Variants in L3MBTL4 observed in about 807,000 individuals in gnomAD.
L3MBTL4 encodes lethal(3)malignant brain tumor-like protein 4.
Under a neutral mutation model 84.5 loss-of-function variants are expected in L3MBTL4, and 70 were observed. The observed-to-expected ratio is 0.83, with a 90% confidence interval of 0.68 to 1.01. The LOEUF (loss-of-function observed/expected upper bound fraction) is 1.01. Among genes scored for constraint, L3MBTL4 ranks in the 50% least tolerant of loss-of-function variants. L3MBTL4 has a pLI of 0.00. For synonymous variants in L3MBTL4, 274 were observed against 259.8 expected (o/e 1.05, Z -0.52); for missense variants, 715 against 754.8 (o/e 0.95, Z 0.62).
chr18:6,410,020 C>A lies in L3MBTL4; in HGVS notation c.-91+4781G>T, dbSNP rs552707344. Among the ~76,000 whole-genome samples the A allele has an allele frequency of 1.5e-4, 23 of 152,244 alleles. No individual in the cohort carries two copies. The South Asian group carries it at 4.6e-3, about 30-fold the overall frequency. On this transcript the variant is annotated intron_variant, in intron 1 of 18. Transcript: ENST00000317931. ...CTTCTACCCACTTCCATGCCCCGCT[C>A]CCCGGCCCAAGGTCACCTCCCTGAC...
In L3MBTL4 at chr18:6,130,288, G is replaced by T. The variant is rs1482399508; in HGVS notation, c.1199+7906C>A. 2.0e-5 allele frequency among the ~76,000 whole-genome samples: 3 copies of T among 150,880 alleles called. No homozygotes were observed. The Admixed American group carries it at 2.0e-4, about 10-fold the overall frequency. ...CACACACACATTCACTCACAAAGGG[G>T]AACAGACGTGAAAAGAAGAAAACAT... On this transcript the variant is annotated intron_variant, in intron 14 of 18. Transcript: ENST00000317931.
At chr18:6,014,727 A>C (rs1295387599) in intron 16 of L3MBTL4, among the ~76,000 whole-genome samples, 1 of 152,126 alleles carries the variant, frequency 6.6e-6, no homozygotes, top group Non-Finnish European at 1.5e-5. Flanking sequence ...TAGAGGACAA[A>C]GGGTTTTGTT....
chr18:6,026,006 G>T (rs1213020265), intron 16 of L3MBTL4, among the ~76,000 whole-genome samples: 1 of 152,204 alleles, frequency 6.6e-6, no homozygotes, highest in Non-Finnish European at 1.5e-5. Flanking sequence ...GGTAAAAAAT[G>T]TTGGTCATAC....
intron 12 of L3MBTL4, among the ~76,000 whole-genome samples, chr18:6,181,666 C>G (rs1185440153): frequency 3.3e-5 from 5 of 152,136 alleles, no homozygotes. Flanking sequence ...CCTCCTCCCA[C>G]CCTCCACCTT....
intron 1 of L3MBTL4, among the ~76,000 whole-genome samples, chr18:6,357,876 C>A (rs2053516365): frequency 6.6e-6 from 1 of 152,178 alleles, no homozygotes; most frequent in African/African-American, 2.4e-5. Context: ...AGGCTGACTT[C>A]ATTTAGTGCT....
chr18:5,968,905 C>G (rs1464391685), intron 17 of L3MBTL4, among the ~76,000 whole-genome samples: 2 of 152,128 alleles, frequency 1.3e-5, no homozygotes, highest in Admixed American at 6.5e-5. Flanking sequence ...AAACCTGCAG[C>G]AGGGGCCTGC....
chr18:6,030,783 T>G (rs1017655605), intron 16 of L3MBTL4: 2 of 984,628 alleles, frequency 2.0e-6, no homozygotes, highest in African/African-American at 3.5e-5. Flanking sequence ...GCTTGAAGTT[T>G]CATTGCATTA....
At chr18:6,096,455 G>C (rs1245079963) in intron 14 of L3MBTL4, among the ~76,000 whole-genome samples, 1 of 152,108 alleles carries the variant, frequency 6.6e-6, no homozygotes, top group African/African-American at 2.4e-5. Context: ...TTAGAATCTG[G>C]GTTCTGAGAA....
intron 1 of L3MBTL4, among the ~76,000 whole-genome samples, chr18:6,406,719 C>T (rs2055751746): frequency 6.6e-6 from 1 of 152,112 alleles, no homozygotes; most frequent in South Asian, 2.1e-4. Flanking sequence ...GCATGCGAAA[C>T]AACAAATTCC....
chr18:6,365,117 T>A (rs962256430), intron 1 of L3MBTL4, among the ~76,000 whole-genome samples: 3 of 152,150 alleles, frequency 2.0e-5, no homozygotes, highest in Non-Finnish European at 4.4e-5. Context: ...CAATCAAAAT[T>A]ATCACTAAAA....
At chr18:6,404,519 C>G (rs564157822) in intron 1 of L3MBTL4, among the ~76,000 whole-genome samples, 1 of 152,204 alleles carries the variant, frequency 6.6e-6, no homozygotes, top group Non-Finnish European at 1.5e-5. Flanking sequence ...CTCTTCGTGG[C>G]CTGTAGAAAA....
chr18:6,311,773 C>A, intron 2 of L3MBTL4, 117 bp from the exon 3 acceptor site: 1 of 638,816 alleles, frequency 1.6e-6, no homozygotes, highest in Non-Finnish European at 2.8e-6. Flanking sequence ...CTATAAATAA[C>A]CTGATAAGTT....
chr18:6,188,435 A>C (rs138023487), intron 12 of L3MBTL4, among the ~76,000 whole-genome samples: 555 of 152,130 alleles, frequency 3.6e-3, no homozygotes, highest in Admixed American at 8.6e-3. Flanking sequence ...AAGTATTAGA[A>C]CTAGAAAATG....
At position 6,062,684 on chromosome 18, in the gene L3MBTL4, T is replaced by C. The variant is rs534554171; in HGVS notation, c.1444+18197A>G. 3.3e-5 allele frequency among the ~76,000 whole-genome samples: 5 copies of C among 152,136 alleles called. No homozygotes were observed. In the East Asian group the frequency reaches 9.6e-4, roughly 29 times the overall value. On this transcript the variant is annotated intron_variant, in intron 16 of 18. Transcript: ENST00000317931. ...CTGTAATGTCTTTTTCATCTTTTTTTTCTCTTTGCTTTTTAGATTGGGAAG... is the reference window on the plus strand; with the variant it reads ...CTGTAATGTCTTTTTCATCTTTTTTCTCTCTTTGCTTTTTAGATTGGGAAG...
At chr18:6,252,973 G>A (rs865785444) in intron 5 of L3MBTL4, among the ~76,000 whole-genome samples, 1 of 152,224 alleles carries the variant, frequency 6.6e-6, no homozygotes, top group Admixed American at 6.5e-5. Flanking sequence ...GGAGGCCGAG[G>A]CGAGCAGATC....
At chr18:6,083,121 G>A (rs2058135902) in intron 15 of L3MBTL4, among the ~76,000 whole-genome samples, 1 of 152,144 alleles carries the variant, frequency 6.6e-6, no homozygotes, top group South Asian at 2.1e-4. Context: ...CAAGTCTTTG[G>A]ACTCCAAATC....
At chr18:5,995,146 G>A (rs2053893852) in intron 16 of L3MBTL4, among the ~76,000 whole-genome samples, 1 of 152,266 alleles carries the variant, frequency 6.6e-6, no homozygotes, top group African/African-American at 2.4e-5. Flanking sequence ...TTTGATGCAT[G>A]GGTCTGACAA....
At chr18:6,030,965 A>G in intron 16 of L3MBTL4, 2 of 985,068 alleles carry the variant, frequency 2.0e-6, no homozygotes, top group Non-Finnish European at 2.4e-6. Context: ...TGAACGAACA[A>G]ACAAATTAAT....
chr18:6,335,227 A>C (rs1444186443), intron 1 of L3MBTL4, among the ~76,000 whole-genome samples: 1 of 152,096 alleles, frequency 6.6e-6, no homozygotes, highest in Non-Finnish European at 1.5e-5. Context: ...AGTAGTTGGG[A>C]TTACAGGCAC....
Sources: gnomAD v4.1 joint callset for allele counts (sites outside exome capture counted in the v4.1 genomes callset) on GRCh38, gnomAD v4.1.1 for gene constraint, MANE v1.5 for transcripts, NCBI Gene and HGNC (gene_info 2026-07-23, HGNC 2026-07-21) for gene names.